Variants in PTPRM observed in about 807,000 individuals in gnomAD.
The protein encoded by PTPRM is protein tyrosine phosphatase receptor type M, also known as receptor-type tyrosine-protein phosphatase mu.
A neutral mutation model predicts 186.7 loss-of-function variants in PTPRM; 47 were observed. The observed-to-expected ratio is 0.25, with a 90% CI of 0.20 to 0.32. The LOEUF (loss-of-function observed/expected upper bound fraction) is 0.32, where lower values mean the gene tolerates loss of function less well. Among genes scored for constraint, PTPRM ranks in the 10% least tolerant of loss-of-function variants. The pLI, the probability that PTPRM is intolerant of heterozygous loss-of-function variation, is 1.00. For missense variants in PTPRM, 1,494 were observed against 1,865.0 expected, an observed-to-expected ratio of 0.80 and a Z score of 3.66; for synonymous variants, 668 against 674.9, an observed-to-expected ratio of 0.99 and a Z score of 0.16.
At chr18:7,613,317 T>A (rs539970183) in intron 1 of PTPRM, among the ~76,000 whole-genome samples, 1 of 152,322 alleles carries the variant, frequency 6.6e-6, no homozygotes, top group South Asian at 2.1e-4. Flanking sequence ...TATTTTGTCA[T>A]GTTCCCCTTT....
At position 8,368,556 on chromosome 18, in the gene PTPRM, G is replaced by A. The variant is rs112710032; in HGVS notation, c.3055-2334G>A. Among the ~76,000 whole-genome samples, 526 of 152,208 alleles carry A rather than the reference G, an allele frequency of 3.5e-3. 1 individual carries two copies. Among genetic ancestry groups the A allele is most frequent in the Non-Finnish European group, 4.2e-3 (285 of 67,990 alleles). ...AGTATCTGCAACTCCTAGCATATCT[G>A]GTTTACGTCTTGCCAACTAAAGGTA... On this transcript the variant is annotated intron_variant, in intron 23 of 32. Transcript: ENST00000580170.
chr18:7,738,141 C>G (rs921985042), intron 1 of PTPRM, among the ~76,000 whole-genome samples: 1 of 152,060 alleles, frequency 6.6e-6, no homozygotes, highest in Non-Finnish European at 1.5e-5. Context: ...AGTTTTGGAC[C>G]ATGATTTTTA....
chr18:7,660,791 GA>G (rs1288527981), intron 1 of PTPRM, among the ~76,000 whole-genome samples: 1 of 152,020 alleles, frequency 6.6e-6, no homozygotes, highest in Admixed American at 6.6e-5. Context: ...TACACATGAT[GA>G]AACCTTGTCT....
chr18:8,281,454 A>G (rs1187685059), intron 19 of PTPRM, among the ~76,000 whole-genome samples: 3 of 152,208 alleles, frequency 2.0e-5, no homozygotes, highest in Non-Finnish European at 2.9e-5. Flanking sequence ...AGCAACAAAA[A>G]TCTGTGCCGT....
intron 2 of PTPRM, among the ~76,000 whole-genome samples, chr18:7,787,709 G>A (rs967664570): frequency 1.3e-5 from 2 of 152,210 alleles, no homozygotes; most frequent in Non-Finnish European, 2.9e-5. Context: ...ATATGCCACT[G>A]AGATTTTGGA....
intron 13 of PTPRM, among the ~76,000 whole-genome samples, chr18:8,115,528 G>C (rs2091923462): frequency 6.6e-6 from 1 of 152,194 alleles, no homozygotes; most frequent in Non-Finnish European, 1.5e-5. Context: ...AAATGTATAA[G>C]AAATGCTTTG....
At chr18:7,697,564 A>G (rs975475364) in intron 1 of PTPRM, among the ~76,000 whole-genome samples, 1 of 152,218 alleles carries the variant, frequency 6.6e-6, no homozygotes, top group Non-Finnish European at 1.5e-5. Context: ...GTACTGAATT[A>G]CTACTGTTCA....
chr18:8,095,769 C>T (rs1311014200), intron 11 of PTPRM, among the ~76,000 whole-genome samples: 5 of 152,130 alleles, frequency 3.3e-5, no homozygotes, highest in East Asian at 3.9e-4. Context: ...ATCAAAAACA[C>T]TTAGTCCTTT....
chr18:7,649,547 A>G (rs1333286074), intron 1 of PTPRM, among the ~76,000 whole-genome samples: 1 of 152,148 alleles, frequency 6.6e-6, no homozygotes, highest in African/African-American at 2.4e-5. Flanking sequence ...CAGGAGTGTA[A>G]TATTAACAGG....
chr18:8,244,647 A>G (rs1455134984), intron 15 of PTPRM, among the ~76,000 whole-genome samples: 4 of 152,214 alleles, frequency 2.6e-5, no homozygotes, highest in East Asian at 1.9e-4. Context: ...TGCCTTTATT[A>G]TAGGGCTGTC....
chr18:7,605,114 G>A (rs1372832532), intron 1 of PTPRM, among the ~76,000 whole-genome samples: 5 of 152,244 alleles, frequency 3.3e-5, no homozygotes, highest in East Asian at 3.9e-4. Flanking sequence ...TCCCTGGGCC[G>A]TGTTGGAAGA....
chr18:7,915,829 G>T (rs1423171747), intron 4 of PTPRM, among the ~76,000 whole-genome samples: 1 of 152,126 alleles, frequency 6.6e-6, no homozygotes, highest in East Asian at 1.9e-4. Context: ...GAAAATGGTT[G>T]TAGGATTTAT....
intron 2 of PTPRM, among the ~76,000 whole-genome samples, chr18:7,883,826 C>T (rs1451092747): frequency 6.6e-6 from 1 of 152,098 alleles, no homozygotes; most frequent in African/African-American, 2.4e-5. Flanking sequence ...GTGAGGTGAA[C>T]AGGGGGAAAT....
At chr18:8,335,740 G>A (rs1339507726) in intron 22 of PTPRM, among the ~76,000 whole-genome samples, 1 of 152,174 alleles carries the variant, frequency 6.6e-6, no homozygotes, top group African/African-American at 2.4e-5. Context: ...GAGTAAATAT[G>A]GCCAGGCGTG....
intron 14 of PTPRM, among the ~76,000 whole-genome samples, chr18:8,220,183 A>T (rs2038532220): frequency 6.6e-6 from 1 of 152,212 alleles, no homozygotes; most frequent in South Asian, 2.1e-4. Context: ...TTAAAGGGGA[A>T]GGAGATAAAA....
At chr18:7,816,035 G>A (rs1449792708) in intron 2 of PTPRM, among the ~76,000 whole-genome samples, 1 of 152,186 alleles carries the variant, frequency 6.6e-6, no homozygotes, top group East Asian at 1.9e-4. Flanking sequence ...ATCACTGAGT[G>A]TCAAGTGAGT....
chr18:8,003,283 C>T (rs893556533), intron 7 of PTPRM, among the ~76,000 whole-genome samples: 4 of 152,176 alleles, frequency 2.6e-5, no homozygotes, highest in African/African-American at 7.2e-5. Flanking sequence ...CTCTTGCCTA[C>T]GGCGACATAA....
At chr18:7,660,830 G>A (rs1437620028) in intron 1 of PTPRM, among the ~76,000 whole-genome samples, 1 of 152,066 alleles carries the variant, frequency 6.6e-6, no homozygotes, top group Non-Finnish European at 1.5e-5. Flanking sequence ...AATTAACTGG[G>A]CACGGTGGCG....
intron 1 of PTPRM, among the ~76,000 whole-genome samples, chr18:7,715,037 T>A (rs1376013529): frequency 6.6e-6 from 1 of 152,264 alleles, no homozygotes; most frequent in East Asian, 1.9e-4. Flanking sequence ...TACCAAAATC[T>A]GGCAGAGACA....
Sources: allele counts gnomAD v4.1 joint callset (sites outside exome capture counted in the v4.1 genomes callset), GRCh38; gene constraint gnomAD v4.1.1; transcripts MANE v1.5; gene names NCBI Gene and HGNC (gene_info 2026-07-23, HGNC 2026-07-21).